The following ATG5 variants were observed in gnomAD, a reference collection of about 807,000 sequenced individuals.
The protein encoded by ATG5 is autophagy related 5.
Under a neutral mutation model 36.5 loss-of-function variants are expected in ATG5, and 14 were observed. That is an observed-to-expected ratio of 0.38 (90% CI 0.25 to 0.60). ATG5 has a LOEUF of 0.60. ATG5 is among the 20% of genes least tolerant of loss of function. The pLI is 0.60. For missense variants in ATG5, 195 were observed against 326.7 expected (o/e 0.60, Z 3.11); for synonymous variants, 95 against 101.5 (o/e 0.94, Z 0.38).
chr6:106,264,457 C>T, intron 5 of ATG5, among the ~76,000 whole-genome samples: 1 of 152,158 alleles, frequency 6.6e-6, no homozygotes, highest in East Asian at 1.9e-4. Context: ...CCAAGCAAGA[C>T]AGGCCAACAT....
At chr6:106,288,453 CTA>C (rs1340437867) in intron 4 of ATG5, among the ~76,000 whole-genome samples, 1 of 152,070 alleles carries the variant, frequency 6.6e-6, no homozygotes, top group African/African-American at 2.4e-5. Context: ...ACATCCAAAT[CTA>C]TATGTTATAA....
At chr6:106,282,345 C>T (rs1479539057) in intron 4 of ATG5, among the ~76,000 whole-genome samples, 3 of 152,158 alleles carry the variant, frequency 2.0e-5, no homozygotes, top group Admixed American at 6.5e-5. Flanking sequence ...AGTATTTATG[C>T]ATTTCTCATA....
chr6:106,188,148 T>C (rs1010832067), intron 7 of ATG5, among the ~76,000 whole-genome samples: 2 of 152,214 alleles, frequency 1.3e-5, no homozygotes, highest in African/African-American at 2.4e-5. Flanking sequence ...ATAGAAAGCA[T>C]AGTACCAGTA....
At chr6:106,272,145 T>C (rs548147398) in intron 5 of ATG5, among the ~76,000 whole-genome samples, 4 of 152,218 alleles carry the variant, frequency 2.6e-5, no homozygotes, top group Admixed American at 6.5e-5. Flanking sequence ...ATATCACCAC[T>C]GGTATAGACC....
rs78360312 is a variant in ATG5 at position 106,215,387 on chromosome 6, T to C, written c.574-13298A>G. 1.2e-3 allele frequency among the ~76,000 whole-genome samples: 182 copies of C among 152,346 alleles called. 3 individuals carry two copies. In the East Asian group the frequency reaches 0.031, roughly 26 times the overall value. ...CTCAAGGAATGGTCTATGGGTTCTG[T>C]GGTGAACGCTAAAGTTTATAACATG... On this transcript the variant is annotated intron_variant, in intron 6 of 7. Coordinates refer to ENST00000369076, the MANE Select transcript of ATG5 (RefSeq NM_004849.4).
intron 2 of ATG5, among the ~76,000 whole-genome samples, chr6:106,312,581 T>C (rs1449404223): frequency 6.7e-6 from 1 of 150,104 alleles, no homozygotes; most frequent in East Asian, 2.0e-4. Context: ...GAAATACCAA[T>C]ATTAAGGAAT....
chr6:106,186,750 G>T, intron 7 of ATG5, 74 bp from the exon 8 acceptor site: 1 of 1,522,940 alleles, frequency 6.6e-7, no homozygotes, highest in Non-Finnish European at 9.0e-7. Context: ...TGCCTTTTGA[G>T]AATCCTTAGT....
At chr6:106,196,566 A>G (rs1354042443) in intron 7 of ATG5, among the ~76,000 whole-genome samples, 2 of 152,118 alleles carry the variant, frequency 1.3e-5, no homozygotes, top group Non-Finnish European at 2.9e-5. Flanking sequence ...TCTACCAAAT[A>G]TACAAAAATT....
chr6:106,264,503 A>C (rs768773845), intron 5 of ATG5, among the ~76,000 whole-genome samples: 1 of 152,096 alleles, frequency 6.6e-6, no homozygotes, highest in Non-Finnish European at 1.5e-5. Flanking sequence ...CCACTAAGAT[A>C]CTCCTAAAGA....
At chr6:106,269,297 C>T (rs894784868) in intron 5 of ATG5, among the ~76,000 whole-genome samples, 1 of 152,214 alleles carries the variant, frequency 6.6e-6, no homozygotes, top group Non-Finnish European at 1.5e-5. Context: ...GTATTTACAA[C>T]CCCTGAGCTA....
intron 6 of ATG5, among the ~76,000 whole-genome samples, chr6:106,228,702 T>G (rs531956779): frequency 8.5e-5 from 13 of 152,258 alleles, no homozygotes; most frequent in African/African-American, 3.1e-4. Context: ...GCGGTAATAT[T>G]GGACCACTTT....
At chr6:106,247,285 A>C (rs2114511291) in intron 6 of ATG5, among the ~76,000 whole-genome samples, 1 of 152,304 alleles carries the variant, frequency 6.6e-6, no homozygotes, top group African/African-American at 2.4e-5. Flanking sequence ...TTTCTCATTA[A>C]TAGTATGTAA....
At chr6:106,242,620 T>C (rs181674920) in intron 6 of ATG5, among the ~76,000 whole-genome samples, 8 of 150,144 alleles carry the variant, frequency 5.3e-5, no homozygotes. Context: ...ATACTATAAA[T>C]AACAACAACA....
rs375599693 is a variant in ATG5, at chr6:106,258,861, A to T, written c.479-10617T>A. 2.0e-5 allele frequency among the ~76,000 whole-genome samples: 3 copies of T among 152,278 alleles called. No homozygotes were observed. The East Asian group carries it at 5.8e-4, about 29-fold the overall frequency. On this transcript the variant is annotated intron_variant, in intron 5 of 7. Coordinates refer to ENST00000369076, the MANE Select transcript of ATG5 (RefSeq NM_004849.4). ...AACATCTGGTATAGTAATTCAACAAATCTCATCTCCTGTAGTATTTAGAGA... is the reference window on the plus strand; with the variant it reads ...AACATCTGGTATAGTAATTCAACAATTCTCATCTCCTGTAGTATTTAGAGA...
At chr6:106,239,688 C>T (rs1021751088) in intron 6 of ATG5, among the ~76,000 whole-genome samples, 10 of 152,206 alleles carry the variant, frequency 6.6e-5, no homozygotes, top group African/African-American at 1.9e-4. Context: ...CCAGGGGTGG[C>T]ATATTCATCC....
chr6:106,234,123 G>T (rs936041468), intron 6 of ATG5, among the ~76,000 whole-genome samples: 14 of 152,104 alleles, frequency 9.2e-5, no homozygotes, highest in Non-Finnish European at 1.9e-4. Flanking sequence ...GAGGGGGGTG[G>T]AGTTCAAGAT....
At chr6:106,216,976 TATC>T (rs1486953716) in intron 6 of ATG5, among the ~76,000 whole-genome samples, 1 of 151,668 alleles carries the variant, frequency 6.6e-6, no homozygotes, top group Non-Finnish European at 1.5e-5. Flanking sequence ...AAAAAAAAGT[TATC>T]ATATGGGTGG....
chr6:106,221,368 C>T (rs1777239506), intron 6 of ATG5, among the ~76,000 whole-genome samples: 1 of 152,126 alleles, frequency 6.6e-6, no homozygotes, highest in Non-Finnish European at 1.5e-5. Flanking sequence ...AGCCATCTCA[C>T]ATTTAACCTA....
chr6:106,250,790 G>T (rs1055655362), intron 5 of ATG5, among the ~76,000 whole-genome samples: 4 of 152,176 alleles, frequency 2.6e-5, no homozygotes, highest in African/African-American at 2.4e-5. Flanking sequence ...TCTCATAAAA[G>T]TAAACTGGAA....
Sources: gnomAD v4.1 joint callset for allele counts (sites outside exome capture counted in the v4.1 genomes callset) on GRCh38, gnomAD v4.1.1 for gene constraint, MANE v1.5 for transcripts, NCBI Gene and HGNC (gene_info 2026-07-23, HGNC 2026-07-21) for gene names.